CHGA: variants seen among roughly 807,000 people sequenced by gnomAD.
CHGA encodes the protein chromogranin A, also known as chromogranin-A.
In CHGA, 41 loss-of-function variants were observed where a neutral mutation model predicts 54.4. The ratio of observed to expected loss-of-function variants is 0.75; its 90% CI spans 0.59 to 0.98. CHGA has a LOEUF of 0.98. CHGA is among the 50% of genes least tolerant of loss of function. The pLI is 0.00. For synonymous variants in CHGA, 249 were observed against 232.8 expected (o/e 1.07, Z -0.63); for missense variants, 576 against 582.3 (o/e 0.99, Z 0.11).
At chr14:92,927,121 G>A (rs1234009983) in intron 3 of CHGA, among the ~76,000 whole-genome samples, 3 of 152,210 alleles carry the variant, frequency 2.0e-5, no homozygotes, top group Non-Finnish European at 1.5e-5. Context: ...CAGGCAACCA[G>A]TCAAGTTTTT....
chr14:92,929,125 C>T (rs1181647522), intron 4 of CHGA, among the ~76,000 whole-genome samples: 1 of 152,200 alleles, frequency 6.6e-6, no homozygotes, highest in East Asian at 1.9e-4. Flanking sequence ...GCAGCGGCGG[C>T]GGGGGGAGAG....
chr14:92,926,706 C>T lies in CHGA; in HGVS notation c.187+8C>T. ...TTGAGACACTCCGAGGAGGTATGAG[C>T]TGGAGGCTAGGGGTGAGGGCTGCTG... On this transcript the variant is annotated splice_region_variant and intron_variant, in intron 3 of 7. Coordinates refer to ENST00000216492, the MANE Select transcript of CHGA (RefSeq NM_001275.4). 1 of 1,613,062 alleles carries T rather than the reference C, an allele frequency of 6.2e-7. No homozygotes were observed. The highest frequency in any genetic ancestry group is 1.7e-5 in the Admixed American group (1 of 60,008).
In CHGA at chr14:92,933,210, C is replaced by G. The variant is rs558665489; in HGVS notation, c.1290+359C>G. 2.8e-4 allele frequency: 56 copies of G among 197,652 alleles called. No homozygotes were observed. The East Asian group carries it at 6.5e-3, about 23-fold the overall frequency. The allele number at this position is 197,652 out of a possible 1,614,324, so 12.2% of individuals were successfully genotyped here. On this transcript the variant is annotated intron_variant, in intron 7 of 7. Transcript: ENST00000216492. ...CCCAGGCACAGCCTCCTCCCAGGCT[C>G]AGGCCCTGCCTCTGGCCCATGAGGG...
chr14:92,926,559 C>T (rs1305532316), intron 2 of CHGA, 46 bp from the exon 3 acceptor site: 1 of 1,514,202 alleles, frequency 6.6e-7, no homozygotes, highest in Non-Finnish European at 9.2e-7. Flanking sequence ...GGGACTGAGC[C>T]CCATGCTCAA....
intron 3 of CHGA, 118 bp downstream of exon 3, chr14:92,926,816 C>A (rs897405497): frequency 2.4e-6 from 2 of 847,648 alleles, no homozygotes; most frequent in Non-Finnish European, 3.8e-6. Flanking sequence ...ACTGAGTGCC[C>A]GTCATGTCCA....
rs1244141888 is a variant in CHGA at position 92,924,219 on chromosome 14, A to T, written c.67A>T (p.Ser23Cys). The T allele has an allele frequency of 6.2e-7, 1 of 1,612,514 alleles. No homozygotes were observed. Among genetic ancestry groups the T allele is most frequent in the African/African-American group, 1.3e-5 (1 of 74,908 alleles). ...CCCAGTCACTGCGCTCCCTGTGAAC[A>T]GCCCTATGAATAAAGGGGATACCGA... ...AGQVTALPVN[S>C]PMNKGDTEVM... Residue 23 changes from serine (S) to cysteine (C), a missense_variant, in exon 2 of 8, where the codon AGC (serine) becomes TGC (cysteine). Physicochemically the swap from Ser to Cys is moderately radical, Grantham distance 112. Transcript: ENST00000216492.
Position 92,932,693 on chromosome 14 carries a change from G to T in CHGA, c.1132G>T (p.Ala378Ser), listed in dbSNP as rs1887032885. 1.2e-6 allele frequency: 2 copies of T among 1,610,604 alleles called. No homozygotes were observed. The highest frequency in any genetic ancestry group is 1.7e-6 in the Non-Finnish European group (2 of 1,179,502). ...CAGTTCCATGAAGCTCTCCTTCCGG[G>T]CCCGGGCCTACGGCTTCAGGGGCCC... is the stretch of plus-strand genomic sequence containing the variant. Reference protein sequence around the residue: ...RDSSMKLSFRARAYGFRGPGP... With the variant: ...RDSSMKLSFRSRAYGFRGPGP... Residue 378 changes from alanine to serine, a missense_variant, in exon 7 of 8, where the codon GCC becomes TCC. Ala to Ser is a moderately conservative substitution (Grantham distance 99). Coordinates refer to ENST00000216492, the MANE Select transcript of CHGA (RefSeq NM_001275.4). This position sits in a 1 kb window ranked among gnomAD's most constrained non-coding sequence, Gnocchi z 5.3.
In CHGA at chr14:92,931,262, A is replaced by G; in HGVS notation, c.368A>G (p.Glu123Gly). The change falls in exon 6 of 8, where the codon GAG becomes GGG. Residue 123 changes from glutamate (E) to glycine (G), a missense_variant. Coordinates refer to ENST00000216492, the MANE Select transcript of CHGA (RefSeq NM_001275.4). ...SQAELKEAVE[E>G]PSSKDVMEKR... is the part of the protein sequence containing the mutation. ...GCTGTGTCTGCAGAGGCGGTGGAAG[A>G]GCCATCATCCAAGGATGTTATGGAG... 1.9e-6 allele frequency: 3 copies of G among 1,609,844 alleles called. No individual in the cohort carries two copies. The highest frequency in any genetic ancestry group is 2.5e-6 in the Non-Finnish European group (3 of 1,176,950).
chr14:92,924,109 G>A (rs886309126), intron 1 of CHGA, 90 bp from the exon 2 acceptor site: 2 of 1,422,964 alleles, frequency 1.4e-6, no homozygotes, highest in Non-Finnish European at 1.9e-6. Flanking sequence ...GGGTGGCATT[G>A]GGTGAACGGG....
chr14:92,923,166 C>A lies in CHGA; in HGVS notation c.-194C>A. The A allele has an allele frequency of 2.6e-6, 1 of 383,828 alleles. No homozygotes were observed. Among genetic ancestry groups the A allele is most frequent in the Non-Finnish European group, 4.4e-6 (1 of 226,250 alleles). The allele number at this position is 383,828 out of a possible 1,614,324, so 23.8% of individuals were successfully genotyped here. A position where few individuals can be genotyped will look rare whatever the true frequency, so the allele number is the denominator to read the frequency against. On this transcript the variant is annotated 5_prime_UTR_variant, in exon 1 of 8. The change creates a new upstream start codon in the 5' untranslated region. Coordinates refer to ENST00000216492, the MANE Select transcript of CHGA (RefSeq NM_001275.4). ...GCTGCTGCTGCCACCGCTCCTGCCA[C>A]TGCAGTGCTCGAGCCCCGTGCAGGG...
chr14:92,932,212 C>A lies in CHGA; in HGVS notation c.809-158C>A, dbSNP rs769210607. On this transcript the variant is annotated intron_variant, in intron 6 of 7. Transcript: ENST00000216492. The surrounding 1 kb of genome is among the most constrained non-coding windows in gnomAD (Gnocchi z 5.3). ...ACCCACCCCTCTGAGCCGAGAGGGT[C>A]TTGCAAAGCCTGGCATCAAGAAGGT... 13 of 1,043,582 alleles carry A rather than the reference C, an allele frequency of 1.2e-5. No individual in the cohort carries two copies. The highest frequency in any genetic ancestry group is 1.6e-5 in the Non-Finnish European group (12 of 747,332). The allele number at this position is 1,043,582 out of a possible 1,614,324, so 64.6% of individuals were successfully genotyped here. A position where few individuals can be genotyped will look rare whatever the true frequency, so the allele number is the denominator to read the frequency against.
At position 92,923,357 on chromosome 14, in the gene CHGA, G is replaced by T; in HGVS notation, c.-3G>T. 1 of 1,316,874 alleles carries T rather than the reference G, an allele frequency of 7.6e-7. No homozygotes were observed. Among genetic ancestry groups the T allele is most frequent in the South Asian group, 2.2e-5 (1 of 45,002 alleles). 81.6% of individuals were successfully genotyped at this position (1,316,874 alleles called of 1,614,324 possible). A position where few individuals can be genotyped will look rare whatever the true frequency, so the allele number is the denominator to read the frequency against. On this transcript the variant is annotated 5_prime_UTR_variant, in exon 1 of 8. Coordinates refer to ENST00000216492, the MANE Select transcript of CHGA (RefSeq NM_001275.4). ...CGCCAGCTGCTCGGCGCCCGGGTCC[G>T]CCATGCGCTCCGCCGCTGTCCTGGC... is the stretch of plus-strand genomic sequence containing the variant.
intron 7 of CHGA, among the ~76,000 whole-genome samples, chr14:92,934,271 G>A (rs12878823): frequency 0.38 from 57,503 of 152,116 alleles, 11,490 homozygotes; most frequent in African/African-American, 0.5. Flanking sequence ...GCCAGAGTTC[G>A]GGATCCTCTC....
chr14:92,923,822 C>T (rs1886835023), intron 1 of CHGA, among the ~76,000 whole-genome samples: 2 of 152,164 alleles, frequency 1.3e-5, no homozygotes, highest in South Asian at 2.1e-4. Context: ...CATATCATCC[C>T]TCACAATCCC....
rs746067443 is a variant in CHGA at position 92,932,725 on chromosome 14, G to A, written c.1164G>A (p.Pro388=). 5.8e-5 allele frequency: 94 copies of A among 1,610,596 alleles called. No individual in the cohort carries two copies. Among genetic ancestry groups the A allele is most frequent in the Non-Finnish European group, 7.4e-5 (87 of 1,179,386 alleles). ...ARAYGFRGPG[P]QLRRGWRPSS... is the part of the protein sequence containing the mutation. ...CCTACGGCTTCAGGGGCCCTGGGCC[G>A]CAGCTGCGACGAGGCTGGAGGCCAT... The change falls in exon 7 of 8, where the codon CCG becomes CCA. Residue 388 remains proline (P), a synonymous_variant. Transcript: ENST00000216492. The surrounding 1 kb of genome is among the most constrained non-coding windows in gnomAD (Gnocchi z 5.3).
chr14:92,934,772 G>C (rs893348660), intron 7 of CHGA, 29 bp from the exon 8 acceptor site: 1 of 1,545,610 alleles, frequency 6.5e-7, no homozygotes, highest in African/African-American at 1.4e-5. Context: ...GGCCAGGCTG[G>C]CCCGAGTGAA....
intron 1 of CHGA, among the ~76,000 whole-genome samples, chr14:92,923,697 G>A (rs1886832717): frequency 1.3e-5 from 2 of 152,202 alleles, no homozygotes; most frequent in Admixed American, 6.5e-5. Context: ...CCGGTTGCGC[G>A]GTGGCCGGCC....
intron 1 of CHGA, 80 bp from the exon 2 acceptor site, chr14:92,924,119 G>T: frequency 6.6e-7 from 1 of 1,505,548 alleles, no homozygotes; most frequent in South Asian, 1.2e-5. Flanking sequence ...GGGTGAACGG[G>T]CCCCAGTGAG....
rs1713378670 is a variant in CHGA at position 92,932,431 on chromosome 14, C to A, written c.870C>A (p.Asp290Glu). 1 of 1,569,282 alleles carries A rather than the reference C, an allele frequency of 6.4e-7. No individual in the cohort carries two copies. Residue 290 changes from aspartate to glutamate, a missense_variant, in exon 7 of 8, where the codon GAC becomes GAA. Coordinates refer to ENST00000216492, the MANE Select transcript of CHGA (RefSeq NM_001275.4). This position sits in a 1 kb window ranked among gnomAD's most constrained non-coding sequence, Gnocchi z 5.3. The stretch of plus-strand genomic sequence containing the variant: ...AGCCTGGGGCTGAGGAGGCTCAGGA[C>A]CCCGAAGGGAAGGGAGAACAGGAGC... ...AGKPGAEEAQ[D>E]PEGKGEQEHS...
Sources: allele counts gnomAD v4.1 joint callset (sites outside exome capture counted in the v4.1 genomes callset), GRCh38; gene constraint gnomAD v4.1.1; non-coding constraint Gnocchi (gnomAD v3.1); transcripts MANE v1.5; gene names NCBI Gene and HGNC (gene_info 2026-07-23, HGNC 2026-07-21).